CALN1: variants seen among roughly 807,000 people sequenced by gnomAD.
CALN1 encodes the protein calcium-binding protein 8.
A neutral mutation model predicts 30.6 loss-of-function variants in CALN1; 17 were observed. That is an observed-to-expected ratio of 0.56 (90% CI 0.38 to 0.83). The LOEUF is 0.83. Among genes scored for constraint, CALN1 ranks in the 40% least tolerant of loss-of-function variants. The probability of loss-of-function intolerance (pLI) is 0.00; values close to 1 mark genes in which losing one functional copy is unlikely to be tolerated. For synonymous variants in CALN1, 156 were observed against 131.4 expected (o/e 1.19, Z -1.28); for missense variants, 291 against 354.9 (o/e 0.82, Z 1.45).
chr7:72,433,460 T>C (rs1417289059), intron 1 of CALN1, among the ~76,000 whole-genome samples: 1 of 152,040 alleles, frequency 6.6e-6, no homozygotes, highest in Non-Finnish European at 1.5e-5. Context: ...ATCCCACAGA[T>C]TATGCCAAGG....
At chr7:72,492,637 G>A in the CALN1 span, among the ~76,000 whole-genome samples, 5 of 152,332 alleles carry the variant, frequency 3.3e-5, no homozygotes, top group Admixed American at 1.3e-4. Context: ...CATGCCAACC[G>A]CTGGGTCAGC....
intron 3 of CALN1, among the ~76,000 whole-genome samples, chr7:72,138,603 C>G (rs1234450541): frequency 1.3e-5 from 2 of 152,204 alleles, no homozygotes; most frequent in Non-Finnish European, 2.9e-5. Context: ...TTAGCACCGG[C>G]TGAGAACTGA....
intron 2 of CALN1, among the ~76,000 whole-genome samples, chr7:72,355,708 T>C (rs1803180341): frequency 2.0e-5 from 3 of 152,184 alleles, no homozygotes; most frequent in African/African-American, 7.2e-5. Flanking sequence ...ATTATTTCAT[T>C]CTTATGAAAT....
intron 2 of CALN1, among the ~76,000 whole-genome samples, chr7:72,376,402 G>A (rs1396027741): frequency 6.6e-6 from 1 of 152,282 alleles, no homozygotes; most frequent in Non-Finnish European, 1.5e-5. Flanking sequence ...TGTTGCTGTT[G>A]TTATCACCAA....
intron 5 of CALN1, among the ~76,000 whole-genome samples, chr7:71,873,482 A>G (rs1290023553): frequency 2.6e-5 from 4 of 152,268 alleles, no homozygotes; most frequent in African/African-American, 9.6e-5. Flanking sequence ...TTGAGCTAGA[A>G]TTAAAACCCA....
intron 4 of CALN1, among the ~76,000 whole-genome samples, chr7:72,087,051 C>A (rs951203633): frequency 6.6e-6 from 1 of 152,116 alleles, no homozygotes; most frequent in Non-Finnish European, 1.5e-5. Flanking sequence ...ATTACCCTAA[C>A]CATAATAAAT....
chr7:72,409,489 T>G (rs1806960587), intron 1 of CALN1, among the ~76,000 whole-genome samples: 1 of 148,478 alleles, frequency 6.7e-6, no homozygotes, highest in Non-Finnish European at 1.5e-5. Context: ...GGCATATGGA[T>G]AGTCTGAGTG....
At chr7:72,133,595 T>C (rs892044729) in intron 3 of CALN1, among the ~76,000 whole-genome samples, 3 of 152,206 alleles carry the variant, frequency 2.0e-5, no homozygotes, top group Non-Finnish European at 4.4e-5. Context: ...TTGACGATTA[T>C]GGATATTCAT....
At position 72,417,432 on chromosome 7, in the gene CALN1, A is replaced by C. The variant is rs561068981; in HGVS notation, c.-225-5157T>G. Reference sequence around the variant, plus strand: ...GGTGGGAGGAAGTAAATGAGAACCTAAACCAAAGGTGACAAAGAAATCAGT... The same window carrying C: ...GGTGGGAGGAAGTAAATGAGAACCTCAACCAAAGGTGACAAAGAAATCAGT... On this transcript the variant is annotated intron_variant, in intron 1 of 6. Coordinates refer to the CALN1 transcript ENST00000395276. 2.6e-5 allele frequency among the ~76,000 whole-genome samples: 4 copies of C among 152,186 alleles called. 1 individual carries two copies. Among genetic ancestry groups the C allele is most frequent in the Non-Finnish European group, 5.9e-5 (4 of 68,018 alleles).
the CALN1 span, among the ~76,000 whole-genome samples, chr7:72,497,807 T>G: frequency 6.6e-6 from 1 of 152,144 alleles, no homozygotes; most frequent in East Asian, 1.9e-4. Flanking sequence ...ATGTGACGAC[T>G]AATAAATAGA....
intron 1 of CALN1, among the ~76,000 whole-genome samples, chr7:72,435,916 G>A (rs1395568924): frequency 3.9e-5 from 6 of 152,154 alleles, no homozygotes; most frequent in Admixed American, 2.0e-4. Flanking sequence ...AAGCTCAAGA[G>A]GAACCTTGAG....
intron 5 of CALN1, among the ~76,000 whole-genome samples, chr7:71,985,833 A>G (rs844698): frequency 0.13 from 20,126 of 151,664 alleles, 1,989 homozygotes; most frequent in East Asian, 0.38. Flanking sequence ...CAGATGATCC[A>G]CCCACCTTGG....
rs1054235705 is a variant in CALN1 at position 72,309,816 on chromosome 7, G to A, written c.120-31006C>T. On this transcript the variant is annotated intron_variant, in intron 2 of 6. Coordinates refer to ENST00000395275, the MANE Select transcript of CALN1 (RefSeq NM_031468.4). Reference sequence around the variant, plus strand: ...TCATCTCTCTACTCTCTCCTGAAACGACCTTCCTTCATCACCAGGTCCAGG... The same window carrying A: ...TCATCTCTCTACTCTCTCCTGAAACAACCTTCCTTCATCACCAGGTCCAGG... Among the ~76,000 whole-genome samples the A allele has an allele frequency of 1.1e-4, 16 of 152,230 alleles. 1 individual carries two copies. Among genetic ancestry groups the A allele is most frequent in the African/African-American group, 3.6e-4 (15 of 41,540 alleles).
At chr7:72,076,616 A>C in intron 4 of CALN1, among the ~76,000 whole-genome samples, 4 of 77,416 alleles carry the variant, frequency 5.2e-5, no homozygotes, top group Admixed American at 1.4e-4. Context: ...AAAAGCAAAA[A>C]AAAAAAAAAA....
chr7:72,227,550 G>GA (rs1052171055), intron 3 of CALN1, among the ~76,000 whole-genome samples: 1 of 33,628 alleles, frequency 3.0e-5, no homozygotes, highest in African/African-American at 9.8e-5. Context: ...AAAAAAAAAA[G>GA]AAAAAAAAGA....
At chr7:72,320,998 G>A (rs1800840193) in intron 2 of CALN1, among the ~76,000 whole-genome samples, 1 of 151,992 alleles carries the variant, frequency 6.6e-6, no homozygotes, top group Non-Finnish European at 1.5e-5. Context: ...CCATAAAAAC[G>A]TTATTGAAAA....
At chr7:72,113,654 C>A (rs1050409096) in intron 3 of CALN1, among the ~76,000 whole-genome samples, 8 of 152,206 alleles carry the variant, frequency 5.3e-5, no homozygotes, top group African/African-American at 1.9e-4. Context: ...CAACCATGCA[C>A]ATTTGTTTCT....
chr7:72,458,837 A>AATATATT, the CALN1 span, among the ~76,000 whole-genome samples: 2 of 135,760 alleles, frequency 1.5e-5, no homozygotes, highest in Admixed American at 1.7e-4. Context: ...TATAATATTT[A>AATATATT]ATATATTATA....
intron 3 of CALN1, among the ~76,000 whole-genome samples, chr7:72,270,070 C>G (rs537391539): frequency 1.3e-4 from 20 of 151,762 alleles, no homozygotes; most frequent in African/African-American, 4.6e-4. Flanking sequence ...AATTCTAGAT[C>G]TGAAAAAAAT....
Sources: allele counts gnomAD v4.1 joint callset (sites outside exome capture counted in the v4.1 genomes callset), GRCh38; gene constraint gnomAD v4.1.1; transcripts MANE v1.5; gene names NCBI Gene and HGNC (gene_info 2026-07-23, HGNC 2026-07-21).